Variants in NPHS1 observed in about 807,000 individuals in gnomAD.
NPHS1 encodes the protein nephrin.
In NPHS1, 107 loss-of-function variants were observed where a neutral mutation model predicts 139.7. The observed-to-expected ratio is 0.77, with a 90% CI of 0.66 to 0.90. The LOEUF (loss-of-function observed/expected upper bound fraction) is 0.90. NPHS1 is among the 40% of genes least tolerant of loss of function. The pLI is 0.00. For synonymous variants in NPHS1, 707 were observed against 706.6 expected, an observed-to-expected ratio of 1.00 and a Z score of -0.01; for missense variants, 1,580 against 1,654.2, an observed-to-expected ratio of 0.96 and a Z score of 0.78.
chr19:35,849,333 G>C lies in NPHS1; in HGVS notation c.743C>G (p.Pro248Arg). The C allele has an allele frequency of 1.2e-6, 2 of 1,612,798 alleles. No individual in the cohort carries two copies. The highest frequency in any genetic ancestry group is 1.7e-6 in the Non-Finnish European group (2 of 1,179,952). Reference protein sequence around the residue: ...FPPGPPVIEWPGLDEGHVRAG... With the variant: ...FPPGPPVIEWRGLDEGHVRAG... ...CCGCACGTGCCCCTCATCCAGGCCT[G>C]GCCACTCGATGACAGGGGGTCCTGG... Residue 248 changes from proline (P) to arginine (R), a missense_variant, in exon 7 of 29, where the codon CCA becomes CGA. Physicochemically the swap from Pro to Arg is moderately radical, Grantham distance 103. Coordinates refer to ENST00000378910, the MANE Select transcript of NPHS1 (RefSeq NM_004646.4).
At chr19:35,846,322 A>G (rs1178013379) in intron 11 of NPHS1, 128 bp from the exon 12 acceptor site, 1 of 955,140 alleles carries the variant, frequency 1.0e-6, no homozygotes. Flanking sequence ...AAGGAGAAGC[A>G]CTCTCATCAG....
At chr19:35,838,397 A>G (rs1216530232) in intron 22 of NPHS1, among the ~76,000 whole-genome samples, 2 of 151,688 alleles carry the variant, frequency 1.3e-5, no homozygotes, top group Non-Finnish European at 2.9e-5. Flanking sequence ...TACTAAAAAT[A>G]CTAAAATTAG....
At chr19:35,829,523 T>C (rs1223286628) in intron 28 of NPHS1, among the ~76,000 whole-genome samples, 1 of 149,564 alleles carries the variant, frequency 6.7e-6, no homozygotes, top group African/African-American at 2.4e-5. Flanking sequence ...TGCACCACCA[T>C]GCCCAGTTAA....
rs781310978 is a variant in NPHS1 at position 35,831,539 on chromosome 19, C to T, written c.3287-39G>A. 4.3e-6 allele frequency: 7 copies of T among 1,613,754 alleles called. No individual in the cohort carries two copies. In the South Asian group the frequency reaches 6.6e-5, roughly 15 times the overall value. Reference sequence around the variant, plus strand: ...GAATAAAGGGCTCAGTGACCCTATGCAAGCCCCCCACCCCGGCCCCAGGAA... The same window carrying T: ...GAATAAAGGGCTCAGTGACCCTATGTAAGCCCCCCACCCCGGCCCCAGGAA... On this transcript the variant is annotated intron_variant, in intron 24 of 28. Transcript: ENST00000378910.
intron 6 of NPHS1, 40 bp from the exon 7 acceptor site, chr19:35,849,403 A>G (rs1259098290): frequency 1.9e-6 from 3 of 1,604,570 alleles, no homozygotes; most frequent in Admixed American, 3.4e-5. Flanking sequence ...GGAGTAGCCC[A>G]TCCACTCTTT....
Position 35,849,640 on chromosome 19 carries a change from TCCGGGGTG to T in NPHS1, c.614_621del (p.Thr205LysfsTer4), listed in dbSNP as rs386833956. On this transcript the variant is annotated frameshift_variant, in exon 6 of 29. Transcript: ENST00000378910. LOFTEE classifies it high-confidence loss of function. ...ACCAGCAACTGCCTATTATCTGAGCTCCGGGGTGTCACCCTGGGATGAGAAGTCAGGGT... is the reference window on the plus strand; with the variant it reads ...ACCAGCAACTGCCTATTATCTGAGCTTCACCCTGGGATGAGAAGTCAGGGT... 2.5e-5 allele frequency: 41 copies of T among 1,613,568 alleles called. No individual in the cohort carries two copies. Among genetic ancestry groups the T allele is most frequent in the Middle Eastern group, 1.6e-4 (1 of 6,084 alleles).
At chr19:35,835,611 A>C (rs987222242) in intron 23 of NPHS1, 94 bp downstream of exon 23, 1 of 1,148,676 alleles carries the variant, frequency 8.7e-7, no homozygotes, top group Admixed American at 1.7e-5. Flanking sequence ...TAAGTCGTTA[A>C]GCAGCTGTGA....
At chr19:35,848,592 C>A (rs1351728731) in intron 9 of NPHS1, 45 bp downstream of exon 9, 1 of 1,610,392 alleles carries the variant, frequency 6.2e-7, no homozygotes, top group Admixed American at 1.7e-5. Context: ...GTCATGCCCT[C>A]AGCCCCCTCC....
chr19:35,832,810 T>C (rs2284150), intron 23 of NPHS1, among the ~76,000 whole-genome samples: 36,408 of 134,222 alleles, frequency 0.27, 5,116 homozygotes, highest in African/African-American at 0.41. Flanking sequence ...TCACTTGAAC[T>C]GGGGAGGCAG....
rs1184591289 is a variant in NPHS1 at position 35,847,853 on chromosome 19, TCCTAG to T, written c.1440+183_1440+187del. On this transcript the variant is annotated intron_variant, in intron 11 of 28. Coordinates refer to ENST00000378910, the MANE Select transcript of NPHS1 (RefSeq NM_004646.4). ...AATTCTCACTGTTTCCCCAGAATTTTCCTAGGATTCCATTTAATTCTCATAGCATT... is the reference window on the plus strand; with the variant it reads ...AATTCTCACTGTTTCCCCAGAATTTTGATTCCATTTAATTCTCATAGCATT... 4.7e-5 allele frequency: 28 copies of T among 590,714 alleles called. No individual in the cohort carries two copies. The Middle Eastern group carries it at 1.9e-3, about 39-fold the overall frequency. 36.6% of individuals were successfully genotyped at this position (590,714 alleles called of 1,614,324 possible).
intron 22 of NPHS1, among the ~76,000 whole-genome samples, chr19:35,837,452 C>A (rs1178019776): frequency 6.6e-6 from 1 of 151,960 alleles, no homozygotes; most frequent in Non-Finnish European, 1.5e-5. Flanking sequence ...TTTCAAATAA[C>A]CAGCTTCTGG....
rs375670581 is a variant in NPHS1 at position 35,831,259 on chromosome 19, C to G, written c.3387+37G>C. 3.1e-6 allele frequency: 5 copies of G among 1,610,908 alleles called. No individual in the cohort carries two copies. The African/African-American group carries it at 6.7e-5, about 22-fold the overall frequency. On this transcript the variant is annotated intron_variant, in intron 26 of 28. Coordinates refer to ENST00000378910, the MANE Select transcript of NPHS1 (RefSeq NM_004646.4). Reference sequence around the variant, plus strand: ...GGCAGGGCTTCAGTCGCCGTCGGTGCCCTGATTGTGGGGTCACCAGGGCCA... The same window carrying G: ...GGCAGGGCTTCAGTCGCCGTCGGTGGCCTGATTGTGGGGTCACCAGGGCCA...
chr19:35,835,760 A>T lies in NPHS1; in HGVS notation c.3111T>A (p.Gly1037=), dbSNP rs765621356. 5.0e-6 allele frequency: 8 copies of T among 1,613,264 alleles called. No individual in the cohort carries two copies. In the African/African-American group the frequency reaches 1.1e-4, roughly 22 times the overall value. ...CAGGTTCTCCAGAAGGCTGGTGGAG[A>T]CCTGGGGGGTGGATATACAGATTGT... is the stretch of plus-strand genomic sequence containing the variant. The part of the protein sequence containing the change: ...KGTQLPITTP[G]LHQPSGEPED... The change falls in exon 23 of 29, where the codon GGT becomes GGA. Residue 1037 remains glycine, a splice_region_variant and synonymous_variant. Transcript: ENST00000378910.
At chr19:35,833,542 G>A (rs1972911819) in intron 23 of NPHS1, among the ~76,000 whole-genome samples, 1 of 152,196 alleles carries the variant, frequency 6.6e-6, no homozygotes, top group Non-Finnish European at 1.5e-5. Context: ...TGGAGGTGGA[G>A]GAGGGCTTCT....
Position 35,842,365 on chromosome 19 carries a change from TG to T in NPHS1, c.2506+13del, listed in dbSNP as rs1973072605. 1.2e-6 allele frequency: 2 copies of T among 1,613,454 alleles called. No individual in the cohort carries two copies. Among genetic ancestry groups the T allele is most frequent in the Non-Finnish European group, 1.7e-6 (2 of 1,179,950 alleles). ...GTGGCAGGTCTTGAAGTCAGGTGTT[TG>T]GGTAATACCCACATCTGACAACAAG... On this transcript the variant is annotated intron_variant, in intron 18 of 28. Transcript: ENST00000378910.
rs538463177 is a variant in NPHS1 at position 35,844,075 on chromosome 19, T to TGTGGTTTCCATGGTGGGC, written c.2212+10_2212+27dup. The TGTGGTTTCCATGGTGGGC allele has an allele frequency of 6.6e-4, 1,052 of 1,603,408 alleles. 5 individuals carry two copies. The African/African-American group carries it at 0.013, about 20-fold the overall frequency. On this transcript the variant is annotated intron_variant, in intron 16 of 28. Coordinates refer to ENST00000378910, the MANE Select transcript of NPHS1 (RefSeq NM_004646.4). ...CAATGGGCAAGGTTCCTTGGGTGGG[T>TGTGGTTTCCATGGTGGGC]GTGGTTTCCATGGTGGGCGGGGCTC...
At chr19:35,836,855 G>A (rs947310928) in intron 22 of NPHS1, among the ~76,000 whole-genome samples, 1 of 151,640 alleles carries the variant, frequency 6.6e-6, no homozygotes, top group Non-Finnish European at 1.5e-5. Flanking sequence ...AATTAGCCAG[G>A]CGTGGTGGTA....
chr19:35,826,345 G>A lies in NPHS1; in HGVS notation c.*169C>T. Reference sequence around the variant, plus strand: ...CAGGATGCACCTTGTTTCTACTCTGGTACCAGCTGAACCATCTCTGTCACT... The same window carrying A: ...CAGGATGCACCTTGTTTCTACTCTGATACCAGCTGAACCATCTCTGTCACT... On this transcript the variant is annotated 3_prime_UTR_variant, in exon 29 of 29. Coordinates refer to ENST00000378910, the MANE Select transcript of NPHS1 (RefSeq NM_004646.4). 1 of 729,674 alleles carries A rather than the reference G, an allele frequency of 1.4e-6. No homozygotes were observed. The highest frequency in any genetic ancestry group is 2.3e-6 in the Non-Finnish European group (1 of 429,360). The allele number at this position is 729,674 out of a possible 1,614,324, so 45.2% of individuals were successfully genotyped here. A position where few individuals can be genotyped will look rare whatever the true frequency, so the allele number is the denominator to read the frequency against.
At position 35,849,041 on chromosome 19, in the gene NPHS1, C is replaced by T. The variant is rs1324776623; in HGVS notation, c.947G>A (p.Ser316Asn). 1 of 1,611,882 alleles carries T rather than the reference C, an allele frequency of 6.2e-7. No individual in the cohort carries two copies. The highest frequency in any genetic ancestry group is 2.2e-5 in the East Asian group (1 of 44,874). Reference sequence around the variant, plus strand: ...AGACACGCTGTTGTGGGCCTCGCAGCTGAGCTGCGCTCCATGGTCTTCTGG... The same window carrying T: ...AGACACGCTGTTGTGGGCCTCGCAGTTGAGCTGCGCTCCATGGTCTTCTGG... ...VRPEDHGAQL[S>N]CEAHNSVSAG... Residue 316 changes from serine (S) to asparagine (N), a missense_variant, in exon 8 of 29, where the codon AGC becomes AAC. By Grantham distance (46) the Ser-to-Asn change is conservative. Transcript: ENST00000378910.
Sources: allele counts gnomAD v4.1 joint callset (sites outside exome capture counted in the v4.1 genomes callset), GRCh38; gene constraint gnomAD v4.1.1; transcripts MANE v1.5; gene names NCBI Gene and HGNC (gene_info 2026-07-23, HGNC 2026-07-21).